CRTAC1: variants seen among roughly 807,000 people sequenced by gnomAD.
The protein encoded by CRTAC1 is cartilage acidic protein 1, also known as acidic secreted protein in cartilage.
In CRTAC1, 37 loss-of-function variants were observed where a neutral mutation model predicts 67.8. The observed-to-expected ratio is 0.55, with a 90% CI of 0.42 to 0.72. The LOEUF (loss-of-function observed/expected upper bound fraction) is 0.72, where lower values mean the gene tolerates loss of function less well. Among genes scored for constraint, CRTAC1 ranks in the 30% least tolerant of loss-of-function variants. The pLI is 0.00. For missense variants in CRTAC1, 780 were observed against 931.6 expected, an observed-to-expected ratio of 0.84 and a Z score of 2.12; for synonymous variants, 348 against 371.0, an observed-to-expected ratio of 0.94 and a Z score of 0.71.
intron 7 of CRTAC1, among the ~76,000 whole-genome samples, chr10:97,904,428 A>AT (rs1039074411): frequency 2.6e-5 from 4 of 151,722 alleles, no homozygotes; most frequent in African/African-American, 9.7e-5. Flanking sequence ...TTATTTATTT[A>AT]TTTTTTTATT....
Position 97,896,968 on chromosome 10 carries a change from T to C in CRTAC1, c.1157A>G (p.Asp386Gly). Reference sequence around the variant, plus strand: ...GGGATTGAGCTCCTCGATGAGGGGGTCTCCGTGCTCTCTACGGATGACGCT... The same window carrying C: ...GGGATTGAGCTCCTCGATGAGGGGGCCTCCGTGCTCTCTACGGATGACGCT... ...LFRVIRREHGDPLIEELNPGD... is the reference protein window; with the variant it reads ...LFRVIRREHGGPLIEELNPGD... Residue 386 changes from aspartate (D) to glycine (G), a missense_variant, in exon 9 of 15, where the codon GAC (aspartate) becomes GGC (glycine). Coordinates refer to ENST00000370597, the MANE Select transcript of CRTAC1 (RefSeq NM_018058.7). 6.4e-7 allele frequency: 1 copy of C among 1,558,512 alleles called. No individual in the cohort carries two copies. The highest frequency in any genetic ancestry group is 8.7e-7 in the Non-Finnish European group (1 of 1,150,600).
intron 4 of CRTAC1, among the ~76,000 whole-genome samples, chr10:97,922,914 A>G (rs1487090001): frequency 6.6e-6 from 1 of 152,200 alleles, no homozygotes; most frequent in Non-Finnish European, 1.5e-5. Flanking sequence ...GAATACAGGC[A>G]GGATTTAGAG....
At chr10:97,868,992 A>G (rs1453386509) in intron 14 of CRTAC1, 1 of 152,208 alleles carries the variant, frequency 6.6e-6, no homozygotes, top group Non-Finnish European at 1.5e-5. Flanking sequence ...ACATATGGGG[A>G]AACTGAGGCT....
intron 5 of CRTAC1, among the ~76,000 whole-genome samples, 190 bp downstream of exon 5, chr10:97,917,310 T>C (rs1458639109): frequency 6.6e-6 from 1 of 152,174 alleles, no homozygotes; most frequent in Non-Finnish European, 1.5e-5. Flanking sequence ...ATCTCACCAA[T>C]GCTTGGAGAG....
chr10:97,928,822 G>C (rs531096380), intron 3 of CRTAC1, among the ~76,000 whole-genome samples: 131 of 152,226 alleles, frequency 8.6e-4, no homozygotes, highest in African/African-American at 2.9e-3. Flanking sequence ...GGTTTGTGCA[G>C]GTGGAGGAGG....
intron 2 of CRTAC1, among the ~76,000 whole-genome samples, chr10:97,991,933 A>C (rs1842467980): frequency 6.6e-6 from 1 of 152,256 alleles, no homozygotes; most frequent in Admixed American, 6.5e-5. Context: ...TCTAGAAAGG[A>C]AACTTTTATA....
At chr10:97,936,498 G>A (rs994782591) in intron 2 of CRTAC1, 132 bp from the exon 3 acceptor site, 1 of 657,900 alleles carries the variant, frequency 1.5e-6, no homozygotes, top group Non-Finnish European at 2.5e-6. Flanking sequence ...TGTTCCCAGG[G>A]AACACGGCCA....
intron 2 of CRTAC1, among the ~76,000 whole-genome samples, chr10:97,966,996 C>A (rs1054905619): frequency 1.9e-5 from 1 of 53,148 alleles, no homozygotes; most frequent in African/African-American, 6.1e-5. Context: ...TAAAGTCACC[C>A]CCCCCCCCCC....
chr10:97,893,269 T>TATG (rs1564881397), intron 11 of CRTAC1, among the ~76,000 whole-genome samples: 2 of 152,108 alleles, frequency 1.3e-5, no homozygotes, highest in African/African-American at 4.8e-5. Flanking sequence ...TTTCTGCACA[T>TATG]ATGTGTGTAT....
At chr10:97,908,170 G>C in intron 5 of CRTAC1, 23 bp from the exon 6 acceptor site, 1 of 1,613,046 alleles carries the variant, frequency 6.2e-7, no homozygotes, top group Non-Finnish European at 8.5e-7. Flanking sequence ...TCGACCCACA[G>C]TGAGTGGCAG....
At position 97,975,848 on chromosome 10, in the gene CRTAC1, A is replaced by G. The variant is rs571457708; in HGVS notation, c.224+35290T>C. Among the ~76,000 whole-genome samples the G allele has an allele frequency of 1.2e-4, 19 of 152,308 alleles. No individual in the cohort carries two copies. The highest frequency in any genetic ancestry group is 1.2e-3 in the East Asian group (6 of 5,174). On this transcript the variant is annotated intron_variant, in intron 2 of 14. Coordinates refer to ENST00000370597, the MANE Select transcript of CRTAC1 (RefSeq NM_018058.7). The surrounding 1 kb of genome is among the most constrained non-coding windows in gnomAD (Gnocchi z 4.8). ...CGGTGAGCGTGCTCCTGGGCCCCCA[A>G]TGAGGAGCTAGCTCCCGGCTGCCCC...
At chr10:97,968,538 T>G (rs1464826017) in intron 2 of CRTAC1, among the ~76,000 whole-genome samples, 1 of 152,130 alleles carries the variant, frequency 6.6e-6, no homozygotes, top group Non-Finnish European at 1.5e-5. Flanking sequence ...ACGCCCAGCT[T>G]GCAATTCTTT....
At chr10:97,880,614 C>G (rs2136537448) in intron 13 of CRTAC1, among the ~76,000 whole-genome samples, 1 of 152,296 alleles carries the variant, frequency 6.6e-6, no homozygotes, top group South Asian at 2.1e-4. Context: ...TCTCTTCTGT[C>G]TACTACAATC....
rs1181681386 is a variant in CRTAC1 at position 97,908,035 on chromosome 10, A to C, written c.828T>G (p.Phe276Leu). ...CACCAGCACTGGCCGCAGCGTCCAC[A>C]AAGGTGCCATCGCCCCGGTTGTGGA... ...FLFHNRGDGT[F>L]VDAAASAGVD... Residue 276 changes from phenylalanine (F) to leucine (L), a missense_variant, in exon 6 of 15, where the codon TTT becomes TTG. Physicochemically the swap from Phe to Leu is conservative, Grantham distance 22. Transcript: ENST00000370597. The C allele has an allele frequency of 6.2e-7, 1 of 1,614,198 alleles. No homozygotes were observed. The highest frequency in any genetic ancestry group is 8.5e-7 in the Non-Finnish European group (1 of 1,180,018).
rs765438424 is a variant in CRTAC1, at chr10:97,917,528, A to C, written c.687T>G (p.Ala229=). Residue 229 remains alanine, a synonymous_variant, in exon 5 of 15, where the codon GCT becomes GCG. Transcript: ENST00000370597. Reference sequence around the variant, plus strand: ...TATATTTGCTGACCCCAGCCTCAGCAGCCACATCTCTGAGCGCCAGAATGC... The same window carrying C: ...TATATTTGCTGACCCCAGCCTCAGCCGCCACATCTCTGAGCGCCAGAATGC... The part of the protein sequence containing the change: ...SRGILALRDV[A]AEAGVSKYTG... 25 of 1,587,370 alleles carry C rather than the reference A, an allele frequency of 1.6e-5. No homozygotes were observed. In the Admixed American group the frequency reaches 3.9e-4, roughly 25 times the overall value.
chr10:98,014,784 A>G (rs917947408), intron 1 of CRTAC1, among the ~76,000 whole-genome samples: 1 of 152,232 alleles, frequency 6.6e-6, no homozygotes, highest in African/African-American at 2.4e-5. Flanking sequence ...GTAATAAAAA[A>G]CAAAAACAGA....
At chr10:97,989,636 C>T (rs149406451) in intron 2 of CRTAC1, among the ~76,000 whole-genome samples, 48 of 152,356 alleles carry the variant, frequency 3.2e-4, no homozygotes, top group Admixed American at 1.4e-3. Flanking sequence ...AAATGTTACA[C>T]GTTGCATGCC....
In CRTAC1 at chr10:97,895,950, G is replaced by A; in HGVS notation, c.1252C>T (p.Leu418=). 6.2e-7 allele frequency: 1 copy of A among 1,614,112 alleles called. No individual in the cohort carries two copies. Among genetic ancestry groups the A allele is most frequent in the Non-Finnish European group, 8.5e-7 (1 of 1,179,974 alleles). The change falls in exon 10 of 15, where the codon CTG becomes TTG. Residue 418 remains leucine, a synonymous_variant. Transcript: ENST00000370597. The surrounding 1 kb of genome is among the most constrained non-coding windows in gnomAD (Gnocchi z 4.2). The stretch of plus-strand genomic sequence containing the variant: ...TCTCCATGGGACAAGATGAGGTCCA[G>A]CATCCCGTCTCCGTCGAAGTCGGTC... ...VVTDFDGDGM[L]DLILSHGESM...
chr10:97,904,761 G>A lies in CRTAC1; in HGVS notation c.904C>T (p.Arg302Cys), dbSNP rs759233240. ...TAGACGATGTCCACTTTGCCATCAC[G>A]GTTGAAGTCAGCCAGGGCGACACCT... ...GRGVALADFN[R>C]DGKVDIVYGN... The change falls in exon 7 of 15, where the codon CGT (arginine) becomes TGT (cysteine). Residue 302 changes from arginine (R) to cysteine (C), a missense_variant. Coordinates refer to ENST00000370597, the MANE Select transcript of CRTAC1 (RefSeq NM_018058.7). 2.7e-5 allele frequency: 43 copies of A among 1,607,102 alleles called. No individual in the cohort carries two copies. The East Asian group carries it at 4.5e-4, about 17-fold the overall frequency.
Sources: gnomAD v4.1 joint callset for allele counts (sites outside exome capture counted in the v4.1 genomes callset) on GRCh38, gnomAD v4.1.1 for gene constraint, Gnocchi (gnomAD v3.1) non-coding constraint, MANE v1.5 for transcripts, NCBI Gene and HGNC (gene_info 2026-07-23, HGNC 2026-07-21) for gene names.